The following CDH13 variants were observed in gnomAD, a reference collection of about 807,000 sequenced individuals.
The protein encoded by CDH13 is cadherin-13.
In CDH13, 24 loss-of-function variants were observed where a neutral mutation model predicts 63.8. The observed-to-expected ratio is 0.38, with a 90% CI of 0.27 to 0.53. The LOEUF (loss-of-function observed/expected upper bound fraction) is 0.53. Among genes scored for constraint, CDH13 ranks in the 20% least tolerant of loss-of-function variants. CDH13 has a pLI of 0.85. For missense variants in CDH13, 1,049 were observed against 903.1 expected (o/e 1.16, Z -2.07); for synonymous variants, 503 against 355.3 (o/e 1.42, Z -4.67).
At chr16:83,089,407 C>A (rs2033783079) in intron 3 of CDH13, among the ~76,000 whole-genome samples, 1 of 152,186 alleles carries the variant, frequency 6.6e-6, no homozygotes, top group South Asian at 2.1e-4. Context: ...CATTAGGGCA[C>A]AATAGTGAAC....
intron 6 of CDH13, among the ~76,000 whole-genome samples, chr16:83,389,798 G>C (rs983266204): frequency 2.0e-5 from 3 of 152,312 alleles, no homozygotes; most frequent in Non-Finnish European, 1.5e-5. Flanking sequence ...GTGAGTCTGA[G>C]TTTGAGAGGA....
chr16:83,113,241 C>T (rs1341089840), intron 3 of CDH13, among the ~76,000 whole-genome samples: 1 of 152,214 alleles, frequency 6.6e-6, no homozygotes, highest in Non-Finnish European at 1.5e-5. Context: ...CTGAGAGTGG[C>T]AGCTTTACTC....
At chr16:82,627,166 C>T in intron 1 of CDH13, 29 bp downstream of exon 1, 1 of 1,578,226 alleles carries the variant, frequency 6.3e-7, no homozygotes, top group Non-Finnish European at 8.7e-7. Context: ...CGGGCGCGCT[C>T]TGCGCCCCGT....
At chr16:83,209,817 G>A (rs1367627717) in intron 4 of CDH13, among the ~76,000 whole-genome samples, 2 of 152,056 alleles carry the variant, frequency 1.3e-5, no homozygotes, top group Non-Finnish European at 2.9e-5. Context: ...CATGGAGTGG[G>A]CAGGAGAAAG....
At chr16:83,227,550 C>T (rs551909145) in intron 5 of CDH13, among the ~76,000 whole-genome samples, 1 of 152,174 alleles carries the variant, frequency 6.6e-6, no homozygotes, top group African/African-American at 2.4e-5. Flanking sequence ...AGCCAACCTC[C>T]GTGTTACCCA....
intron 1 of CDH13, among the ~76,000 whole-genome samples, chr16:82,710,262 A>G (rs928132489): frequency 2.1e-5 from 3 of 146,304 alleles, no homozygotes. Context: ...TATAAAATAT[A>G]AAATATATTT....
chr16:83,493,970 T>C (rs1363987021), intron 7 of CDH13, among the ~76,000 whole-genome samples: 1 of 152,212 alleles, frequency 6.6e-6, no homozygotes, highest in African/African-American at 2.4e-5. Context: ...GTTAAATAGA[T>C]TAATAAACCT....
At chr16:82,970,183 G>A (rs964457088) in intron 2 of CDH13, among the ~76,000 whole-genome samples, 1 of 151,476 alleles carries the variant, frequency 6.6e-6, no homozygotes, top group East Asian at 1.9e-4. Flanking sequence ...GTGGTATTTG[G>A]TTTTCTGTTC....
At chr16:82,951,230 A>T (rs540418750) in intron 2 of CDH13, among the ~76,000 whole-genome samples, 1 of 152,100 alleles carries the variant, frequency 6.6e-6, no homozygotes, top group Non-Finnish European at 1.5e-5. Context: ...TGGCAAGAGG[A>T]TATCTCCTTC....
chr16:83,515,284 G>T (rs1406021628), intron 7 of CDH13, among the ~76,000 whole-genome samples: 1 of 152,124 alleles, frequency 6.6e-6, no homozygotes, highest in African/African-American at 2.4e-5. Context: ...TAGAAGCTTT[G>T]AAACCACCAC....
Position 83,762,418 on chromosome 16 carries a change from C to T in CDH13, c.1681+14168C>T, listed in dbSNP as rs980889280. On this transcript the variant is annotated intron_variant, in intron 11 of 13. Transcript: ENST00000567109. ...AAAAACTGTTAAGGAAAAACCCAAG[C>T]GGTAGAGAGAACATTCGGGAATGCA... Among the ~76,000 whole-genome samples the T allele has an allele frequency of 5.3e-4, 80 of 151,944 alleles. 3 individuals carry two copies.
intron 3 of CDH13, among the ~76,000 whole-genome samples, chr16:83,117,670 A>G (rs918768752): frequency 5.9e-5 from 9 of 151,882 alleles, no homozygotes; most frequent in African/African-American, 2.2e-4. Flanking sequence ...GAAATGAATG[A>G]AAGAATGAAT....
At chr16:82,952,667 C>T (rs902750694) in intron 2 of CDH13, among the ~76,000 whole-genome samples, 1 of 152,190 alleles carries the variant, frequency 6.6e-6, no homozygotes, top group Non-Finnish European at 1.5e-5. Context: ...CATACAAACC[C>T]TGTGAACTTT....
chr16:83,143,152 C>T (rs1472830703), intron 4 of CDH13, among the ~76,000 whole-genome samples: 3 of 152,104 alleles, frequency 2.0e-5, no homozygotes, highest in African/African-American at 4.8e-5. Flanking sequence ...CACATCTCTA[C>T]CCCTATCTTA....
chr16:83,523,815 C>T (rs1436536748), intron 7 of CDH13, among the ~76,000 whole-genome samples: 2 of 152,216 alleles, frequency 1.3e-5, no homozygotes, highest in Non-Finnish European at 2.9e-5. Flanking sequence ...CAACAGTCCC[C>T]ATTTCAAACA....
intron 1 of CDH13, among the ~76,000 whole-genome samples, chr16:82,670,573 G>A (rs901286478): frequency 1.3e-5 from 2 of 152,156 alleles, no homozygotes; most frequent in East Asian, 3.9e-4. Context: ...GAGGACTATT[G>A]GGTAGAAGGA....
intron 1 of CDH13, chr16:82,844,376 C>G (rs1360422414): frequency 3.3e-5 from 5 of 151,740 alleles, no homozygotes; most frequent in Non-Finnish European, 7.4e-5. Context: ...CTGAGGCAGG[C>G]GGATCACAAG....
chr16:82,672,156 G>C (rs945177067), intron 1 of CDH13, among the ~76,000 whole-genome samples: 6 of 152,180 alleles, frequency 3.9e-5, no homozygotes, highest in African/African-American at 1.2e-4. Flanking sequence ...GTGAGTTTGA[G>C]CAAGGTATAC....
Position 83,607,418 on chromosome 16 carries a change from C to CA in CDH13, c.1101+4834dup, listed in dbSNP as rs377103133. Among the ~76,000 whole-genome samples, 101 of 145,620 alleles carry CA rather than the reference C, an allele frequency of 6.9e-4. No individual in the cohort carries two copies. In the South Asian group the frequency reaches 0.011, roughly 16 times the overall value. ...CTGGTGACAGAGCAAGACTCGGTCT[C>CA]AAAAAAAAAAGAAAAACATGTAAGC... On this transcript the variant is annotated intron_variant, in intron 8 of 13. Coordinates refer to ENST00000567109, the MANE Select transcript of CDH13 (RefSeq NM_001257.5).
Sources: allele counts gnomAD v4.1 joint callset (sites outside exome capture counted in the v4.1 genomes callset), GRCh38; gene constraint gnomAD v4.1.1; transcripts MANE v1.5; gene names NCBI Gene and HGNC (gene_info 2026-07-23, HGNC 2026-07-21).